The following CTNNA2 variants were observed in gnomAD, a reference collection of about 807,000 sequenced individuals.
The protein encoded by CTNNA2 is catenin alpha-2.
CTNNA2 carries 42 observed loss-of-function variants against 101.0 expected under a neutral mutation model. The observed-to-expected ratio is 0.42, with a 90% confidence interval of 0.32 to 0.54. The LOEUF is 0.54. Ranked by LOEUF, CTNNA2 falls within the 20% of genes least tolerant of loss-of-function variation. The pLI, the probability that CTNNA2 is intolerant of heterozygous loss-of-function variation, is 0.14. For synonymous variants in CTNNA2, 450 were observed against 456.4 expected, an observed-to-expected ratio of 0.99 and a Z score of 0.18; for missense variants, 871 against 1,223.1, an observed-to-expected ratio of 0.71 and a Z score of 4.29.
At chr2:80,143,370 G>T (rs745710195) in intron 7 of CTNNA2, among the ~76,000 whole-genome samples, 2 of 152,128 alleles carry the variant, frequency 1.3e-5, no homozygotes, top group Admixed American at 1.3e-4. Flanking sequence ...TTCATACATT[G>T]TGGGATGATC....
intron 7 of CTNNA2, among the ~76,000 whole-genome samples, chr2:80,219,272 A>G (rs1331274497): frequency 6.6e-6 from 1 of 152,198 alleles, no homozygotes. Flanking sequence ...GTATCCCACT[A>G]TATTCCCAGG....
Position 80,376,577 on chromosome 2 carries a change from T to C in CTNNA2, c.1057-16634T>C, listed in dbSNP as rs561263263. 2.0e-4 allele frequency among the ~76,000 whole-genome samples: 31 copies of C among 152,236 alleles called. No individual in the cohort carries two copies. In the South Asian group the frequency reaches 3.9e-3, roughly 19 times the overall value. On this transcript the variant is annotated intron_variant, in intron 7 of 18. Transcript: ENST00000402739. ...ATTACAAATGAGTTACAATAAAGAA[T>C]TGTACATTAAAGAATGATAGATAGA...
chr2:79,870,883 C>T (rs776785080), intron 5 of CTNNA2, among the ~76,000 whole-genome samples: 19 of 152,112 alleles, frequency 1.2e-4, no homozygotes, highest in Non-Finnish European at 2.2e-4. Flanking sequence ...TAGGTCCCTC[C>T]CTCCACATGT....
At position 79,406,090 on chromosome 2, in the gene CTNNA2, G is replaced by T. The variant is rs187160169; in HGVS notation, c.-135+32077G>T. 2.6e-5 allele frequency among the ~76,000 whole-genome samples: 4 copies of T among 152,140 alleles called. 1 individual carries two copies. In the East Asian group the frequency reaches 7.8e-4, roughly 30 times the overall value. ...GAAGGGTGGTTAAGTTCAACATGCT[G>T]CAAAAATATCAAGAGGAATGCAAAC... is the stretch of plus-strand genomic sequence containing the variant. On this transcript the variant is annotated intron_variant, in intron 4 of 21. Transcript: ENST00000466387.
chr2:80,622,705 G>A (rs1463364052), intron 18 of CTNNA2, among the ~76,000 whole-genome samples: 2 of 151,786 alleles, frequency 1.3e-5, no homozygotes, highest in Non-Finnish European at 2.9e-5. Context: ...GATTTGCGGT[G>A]GATATTTTGC....
At chr2:80,358,414 A>G (rs11890107) in intron 7 of CTNNA2, among the ~76,000 whole-genome samples, 4,174 of 143,248 alleles carry the variant, frequency 0.029, 110 homozygotes, top group African/African-American at 0.066. Context: ...GCAATGGCGC[A>G]ATCTTGGCTC....
chr2:80,441,863 G>T (rs1215993534), intron 9 of CTNNA2, among the ~76,000 whole-genome samples: 1 of 152,222 alleles, frequency 6.6e-6, no homozygotes, highest in African/African-American at 2.4e-5. Flanking sequence ...GGGGAACTCA[G>T]TCAGTAGCAC....
intron 1 of CTNNA2, among the ~76,000 whole-genome samples, chr2:79,196,821 G>C (rs1673967332): frequency 6.6e-6 from 1 of 152,184 alleles, no homozygotes; most frequent in African/African-American, 2.4e-5. Flanking sequence ...AGGTTGCTTA[G>C]GGTCAAAAAT....
At chr2:80,391,810 T>C in intron 7 of CTNNA2, among the ~76,000 whole-genome samples, 1 of 152,246 alleles carries the variant, frequency 6.6e-6, no homozygotes, top group East Asian at 1.9e-4. Flanking sequence ...TGTAAAATGT[T>C]AGCCACTGTA....
chr2:80,575,970 T>G (rs1197861224), intron 13 of CTNNA2, among the ~76,000 whole-genome samples: 1 of 152,184 alleles, frequency 6.6e-6, no homozygotes, highest in Non-Finnish European at 1.5e-5. Flanking sequence ...AGCACCCAAA[T>G]GGCTTCATTT....
intron 1 of CTNNA2, among the ~76,000 whole-genome samples, chr2:79,533,474 A>G (rs1218673527): frequency 6.6e-6 from 1 of 152,180 alleles, no homozygotes; most frequent in East Asian, 1.9e-4. Flanking sequence ...ATCTAAAAGT[A>G]TATTAAGACA....
intron 18 of CTNNA2, among the ~76,000 whole-genome samples, chr2:80,632,026 A>C (rs1672349458): frequency 6.6e-6 from 1 of 152,150 alleles, no homozygotes; most frequent in Non-Finnish European, 1.5e-5. Flanking sequence ...ATTGATTATT[A>C]AATTGATGCA....
At chr2:80,098,060 C>T (rs1700276172) in intron 7 of CTNNA2, among the ~76,000 whole-genome samples, 1 of 152,168 alleles carries the variant, frequency 6.6e-6, no homozygotes, top group African/African-American at 2.4e-5. Context: ...GAGCTGCATT[C>T]CTTTGGAGGA....
intron 1 of CTNNA2, among the ~76,000 whole-genome samples, chr2:79,587,019 G>A (rs140156504): frequency 4.6e-5 from 7 of 152,078 alleles, no homozygotes; most frequent in Admixed American, 6.6e-5. Flanking sequence ...TTACGGCTGC[G>A]TAGTATTCCA....
intron 3 of CTNNA2, among the ~76,000 whole-genome samples, chr2:79,334,716 A>G (rs1676955424): frequency 6.6e-6 from 1 of 152,166 alleles, no homozygotes; most frequent in Non-Finnish European, 1.5e-5. Flanking sequence ...ACATCAGTTA[A>G]AATGATGTGA....
At chr2:80,177,308 A>AT (rs1705456769) in intron 7 of CTNNA2, among the ~76,000 whole-genome samples, 1 of 152,170 alleles carries the variant, frequency 6.6e-6, no homozygotes, top group Non-Finnish European at 1.5e-5. Flanking sequence ...GGATAGGCAA[A>AT]TCCATATCTG....
At chr2:80,363,164 A>C (rs6730403) in intron 7 of CTNNA2, among the ~76,000 whole-genome samples, 53,524 of 151,670 alleles carry the variant, frequency 0.35, 10,771 homozygotes, top group African/African-American at 0.55. Flanking sequence ...ATACAAAAAT[A>C]AATATAAGTA....
intron 7 of CTNNA2, among the ~76,000 whole-genome samples, chr2:80,242,563 G>A (rs1334645239): frequency 6.6e-6 from 1 of 152,158 alleles, no homozygotes; most frequent in African/African-American, 2.4e-5. Context: ...GGCTTTCCTT[G>A]TGGTACTGTA....
At position 79,286,265 on chromosome 2, in the gene CTNNA2, A is replaced by G. The variant is rs569412602; in HGVS notation, c.-405-26444A>G. Among the ~76,000 whole-genome samples the G allele has an allele frequency of 5.0e-3, 765 of 152,192 alleles. 11 individuals carry two copies. Among genetic ancestry groups the G allele is most frequent in the African/African-American group, 0.017 (707 of 41,504 alleles). On this transcript the variant is annotated intron_variant, in intron 2 of 21. Coordinates refer to the CTNNA2 transcript ENST00000466387. Reference sequence around the variant, plus strand: ...TTTAGTCCATTTACATTTAAAGTTAATATTGTTATGTGTGAATTTGATCTG... The same window carrying G: ...TTTAGTCCATTTACATTTAAAGTTAGTATTGTTATGTGTGAATTTGATCTG...
Sources: gnomAD v4.1 joint callset for allele counts (sites outside exome capture counted in the v4.1 genomes callset) on GRCh38, gnomAD v4.1.1 for gene constraint, MANE v1.5 for transcripts, NCBI Gene and HGNC (gene_info 2026-07-23, HGNC 2026-07-21) for gene names.